NDUFAF6: variants seen among roughly 807,000 people sequenced by gnomAD.
NDUFAF6 encodes the protein NADH dehydrogenase (ubiquinone) complex I, assembly factor 6.
In NDUFAF6, 45 loss-of-function variants were observed where a neutral mutation model predicts 40.8. The ratio of observed to expected loss-of-function variants is 1.10; its 90% confidence interval spans 0.87 to 1.42. The LOEUF (loss-of-function observed/expected upper bound fraction) is 1.42. NDUFAF6 is among the 40% of genes most tolerant of loss of function. NDUFAF6 has a pLI of 0.00. For missense variants in NDUFAF6, 435 were observed against 418.5 expected, an observed-to-expected ratio of 1.04 and a Z score of -0.34; for synonymous variants, 185 against 155.9, an observed-to-expected ratio of 1.19 and a Z score of -1.39.
At chr8:95,093,061 A>G (rs557125978) in intron 2 of NDUFAF6, among the ~76,000 whole-genome samples, 15 of 149,652 alleles carry the variant, frequency 1.0e-4, no homozygotes, top group African/African-American at 3.7e-4. Context: ...AGCTGAGTTC[A>G]TAACCATAGT....
At chr8:94,934,873 T>TA (rs1339607075) in intron 1 of NDUFAF6, among the ~76,000 whole-genome samples, 2 of 152,184 alleles carry the variant, frequency 1.3e-5, no homozygotes, top group Non-Finnish European at 2.9e-5. Context: ...AAGTGCCAGT[T>TA]AAAGTAACAT....
intron 1 of NDUFAF6, among the ~76,000 whole-genome samples, chr8:94,961,871 C>T (rs1401398578): frequency 6.6e-6 from 1 of 152,178 alleles, no homozygotes; most frequent in Non-Finnish European, 1.5e-5. Context: ...TGCTATGATT[C>T]TCCAGTGTCA....
chr8:94,983,256 CTTTTTTTTTTTTT>C (rs1173077785), intron 2 of NDUFAF6, among the ~76,000 whole-genome samples: 19 of 83,184 alleles, frequency 2.3e-4, no homozygotes, highest in African/African-American at 8.7e-4. Flanking sequence ...CTTTGCTATT[CTTTTTTTTTTTTT>C]TTTTTTTTTT....
At chr8:95,073,627 C>A (rs929375751) in intron 9 of NDUFAF6, among the ~76,000 whole-genome samples, 4 of 152,166 alleles carry the variant, frequency 2.6e-5, no homozygotes, top group African/African-American at 9.7e-5. Flanking sequence ...CTCATTCTAA[C>A]ACCTTCACTG....
chr8:95,071,696 C>T (rs2678825), intron 9 of NDUFAF6: 86,396 of 152,154 alleles, frequency 0.57, 24,902 homozygotes, highest in East Asian at 0.83. Context: ...CAAAATTCCT[C>T]ATTAGGTAAC....
At chr8:95,098,781 G>A (rs1376430621), upstream of NDUFAF6, among the ~76,000 whole-genome samples, 2 of 152,040 alleles carry the variant, frequency 1.3e-5, no homozygotes, top group African/African-American at 2.4e-5. Context: ...AAATTAGCTG[G>A]GCGTGTGGCA....
At chr8:94,895,839 C>G (rs34208552) in exon 1 of NDUFAF6, 96,480 of 153,312 alleles carry the variant, frequency 0.63, 30,955 homozygotes, top group East Asian at 0.79. Flanking sequence ...GCTCTGCTCT[C>G]CCCAGTCCCG....
chr8:94,940,510 A>AT (rs1821429483), intron 1 of NDUFAF6, among the ~76,000 whole-genome samples: 1 of 151,922 alleles, frequency 6.6e-6, no homozygotes, highest in Non-Finnish European at 1.5e-5. Context: ...TGCAGGAGTG[A>AT]TTTTAAGACT....
intron 3 of NDUFAF6, 51 bp downstream of exon 3, chr8:95,035,627 T>A (rs779737527): frequency 1.3e-6 from 2 of 1,543,758 alleles, no homozygotes; most frequent in Non-Finnish European, 1.8e-6. Flanking sequence ...TATTCGAGTC[T>A]ACTTTTTGAT....
chr8:95,102,195 C>T (rs1259555543), intron 2 of NDUFAF6, among the ~76,000 whole-genome samples: 1 of 152,030 alleles, frequency 6.6e-6, no homozygotes, highest in African/African-American at 2.4e-5. Flanking sequence ...GGGGTTTCAC[C>T]ATGTTGGCCA....
Position 95,057,874 on chromosome 8 carries a change from A to G in NDUFAF6, c.939A>G (p.Leu313=). The G allele has an allele frequency of 6.2e-7, 1 of 1,603,120 alleles. No homozygotes were observed. The highest frequency in any genetic ancestry group is 2.2e-5 in the East Asian group (1 of 44,720). ...ATTTTGATATATTCCACCCATCTTT[A>G]CAGCAGAAGAATACATTACTTCCAT... ...RVDFDIFHPS[L]QQKNTLLPLY... is the part of the protein sequence containing the mutation. Residue 313 remains leucine, a synonymous_variant, in exon 9 of 9, where the codon TTA becomes TTG. Transcript: ENST00000396124.
At chr8:95,011,675 G>A (rs1203888887) in intron 2 of NDUFAF6, among the ~76,000 whole-genome samples, 1 of 152,126 alleles carries the variant, frequency 6.6e-6, no homozygotes, top group East Asian at 1.9e-4. Flanking sequence ...GGGTGGGAAT[G>A]GTATAGAAGC....
chr8:94,994,607 G>A (rs540701611), intron 2 of NDUFAF6, among the ~76,000 whole-genome samples: 3 of 152,162 alleles, frequency 2.0e-5, no homozygotes, highest in African/African-American at 7.2e-5. Flanking sequence ...GCCAGGGTGG[G>A]ATGATTGCTT....
intron 3 of NDUFAF6, among the ~76,000 whole-genome samples, chr8:95,039,976 A>G (rs569397876): frequency 6.6e-6 from 1 of 152,350 alleles, no homozygotes; most frequent in South Asian, 2.1e-4. Context: ...GAACAATTTC[A>G]TCTAATTTTC....
At chr8:95,038,434 A>G (rs1335336593) in intron 3 of NDUFAF6, among the ~76,000 whole-genome samples, 5 of 151,650 alleles carry the variant, frequency 3.3e-5, no homozygotes, top group African/African-American at 1.2e-4. Context: ...ACAGTGGCAC[A>G]GTCTTGGCTC....
At chr8:94,963,927 C>G (rs954763041) in intron 1 of NDUFAF6, among the ~76,000 whole-genome samples, 1 of 152,174 alleles carries the variant, frequency 6.6e-6, no homozygotes, top group African/African-American at 2.4e-5. Context: ...TATCATTCAA[C>G]TTCATTTTCA....
chr8:95,075,511 CT>C, intron 9 of NDUFAF6: 1 of 682,628 alleles, frequency 1.5e-6, no homozygotes, highest in Non-Finnish European at 2.2e-6. Flanking sequence ...TTAGCACTCC[CT>C]TTTTGGAGCT....
chr8:94,932,188 A>C, intron 1 of NDUFAF6: 3 of 1,466,866 alleles, frequency 2.0e-6, no homozygotes, highest in Non-Finnish European at 2.8e-6. Flanking sequence ...GGACGTGGTC[A>C]ACTTTTATTA....
intron 2 of NDUFAF6, chr8:95,087,532 T>C (rs1809091470): frequency 6.6e-6 from 1 of 152,282 alleles, no homozygotes; most frequent in Non-Finnish European, 1.5e-5. Flanking sequence ...ATGCCTTTCA[T>C]GCCTTTCATT....
Sources: gnomAD v4.1 joint callset for allele counts (sites outside exome capture counted in the v4.1 genomes callset) on GRCh38, gnomAD v4.1.1 for gene constraint, MANE v1.5 for transcripts, NCBI Gene and HGNC (gene_info 2026-07-23, HGNC 2026-07-21) for gene names.